GSK3B: variants seen among roughly 807,000 people sequenced by gnomAD.
The protein encoded by GSK3B is glycogen synthase kinase 3 beta, also known as glycogen synthase kinase-3 beta.
GSK3B carries 15 observed loss-of-function variants against 56.4 expected under a neutral mutation model. The ratio of observed to expected loss-of-function variants is 0.27; its 90% CI spans 0.18 to 0.41. The LOEUF is 0.41. GSK3B is among the 10% of genes least tolerant of loss of function. The pLI is 1.00. For synonymous variants in GSK3B, 181 were observed against 188.9 expected (o/e 0.96, Z 0.34); for missense variants, 300 against 513.4 (o/e 0.58, Z 4.02).
chr3:119,993,531 TA>T (rs1436719318), intron 2 of GSK3B, among the ~76,000 whole-genome samples: 1 of 152,066 alleles, frequency 6.6e-6, no homozygotes, highest in East Asian at 1.9e-4. Context: ...ATAAAAAACA[TA>T]AACAGTGAAC....
rs1456279674 is a variant in GSK3B at position 120,051,610 on chromosome 3, T to C, written c.88+41737A>G. The stretch of plus-strand genomic sequence containing the variant: ...GGCAAAACCCCATCTCTACGAAAAA[T>C]ACAAAAATTAGCCAGGTGTGGTGGT... On this transcript the variant is annotated intron_variant, in intron 1 of 10. Transcript: ENST00000264235. Among the ~76,000 whole-genome samples, 4 of 151,410 alleles carry C rather than the reference T, an allele frequency of 2.6e-5. No individual in the cohort carries two copies. In the East Asian group the frequency reaches 7.8e-4, roughly 30 times the overall value.
chr3:120,070,317 C>A (rs1160045069), intron 1 of GSK3B, among the ~76,000 whole-genome samples: 3 of 151,526 alleles, frequency 2.0e-5, no homozygotes, highest in Non-Finnish European at 2.9e-5. Flanking sequence ...ACAACCCAAC[C>A]TAAGCCTTAT....
At chr3:119,915,235 T>G (rs1204267702) in intron 5 of GSK3B, among the ~76,000 whole-genome samples, 1 of 152,072 alleles carries the variant, frequency 6.6e-6, no homozygotes, top group African/African-American at 2.4e-5. Context: ...AATAAAAGGT[T>G]AAATTATAGA....
intron 1 of GSK3B, among the ~76,000 whole-genome samples, chr3:120,092,352 GACTAAATCCACATTCTTCTA>G (rs1431834989): frequency 6.6e-6 from 1 of 152,094 alleles, no homozygotes; most frequent in Non-Finnish European, 1.5e-5. Flanking sequence ...AAATGGAAAG[GACTAAATCCACATTCTTCTA>G]ACTAAATCCA....
intron 9 of GSK3B, among the ~76,000 whole-genome samples, chr3:119,862,667 G>GTTTTTT (rs79778347): frequency 4.2e-4 from 46 of 110,386 alleles, no homozygotes; most frequent in Non-Finnish European, 5.9e-4. Flanking sequence ...ACTATTTCTT[G>GTTTTTT]TTTTTTTTTT....
At chr3:119,840,619 G>A (rs981699707) in intron 10 of GSK3B, among the ~76,000 whole-genome samples, 3 of 152,114 alleles carry the variant, frequency 2.0e-5, no homozygotes, top group South Asian at 2.1e-4. Flanking sequence ...ACAGGCAGCC[G>A]GAAGGCCAAG....
chr3:119,889,879 G>A (rs891228442), intron 7 of GSK3B, among the ~76,000 whole-genome samples: 2 of 152,046 alleles, frequency 1.3e-5, no homozygotes, highest in Non-Finnish European at 1.5e-5. Flanking sequence ...AAGAAAGATA[G>A]AGTGCCTATA....
At chr3:119,898,408 A>G (rs1190236548) in intron 7 of GSK3B, among the ~76,000 whole-genome samples, 3 of 152,184 alleles carry the variant, frequency 2.0e-5, no homozygotes, top group African/African-American at 7.2e-5. Context: ...ACTGACCATT[A>G]CAATGGTTGA....
intron 10 of GSK3B, among the ~76,000 whole-genome samples, chr3:119,830,807 C>T (rs186604696): frequency 4.5e-4 from 69 of 152,330 alleles, no homozygotes; most frequent in African/African-American, 1.7e-3. Flanking sequence ...TAATCTATCT[C>T]TCATTTCCTC....
At chr3:119,873,596 G>A (rs1344458913) in intron 8 of GSK3B, among the ~76,000 whole-genome samples, 3 of 152,020 alleles carry the variant, frequency 2.0e-5, no homozygotes, top group Non-Finnish European at 4.4e-5. Context: ...TCAAGTTGCT[G>A]TCCACTATCA....
At chr3:120,088,056 G>A (rs1007151946) in intron 1 of GSK3B, among the ~76,000 whole-genome samples, 4 of 152,002 alleles carry the variant, frequency 2.6e-5, no homozygotes, top group East Asian at 3.9e-4. Context: ...CCACGCCCCC[G>A]CTAATTTTTG....
At position 119,824,460 on chromosome 3, in the gene GSK3B, G is replaced by A. The variant is rs959948673; in HGVS notation, c.*2328C>T. 9.3e-6 allele frequency: 2 copies of A among 215,412 alleles called. No homozygotes were observed. Among genetic ancestry groups the A allele is most frequent in the African/African-American group, 4.5e-5 (2 of 44,364 alleles). The allele number at this position is 215,412 out of a possible 1,614,324, so 13.3% of individuals were successfully genotyped here. Reference sequence around the variant, plus strand: ...TCCTAAAATAAGCACTGATTTTTATGGACTCTGGGGAGTATACCACGTCCA... The same window carrying A: ...TCCTAAAATAAGCACTGATTTTTATAGACTCTGGGGAGTATACCACGTCCA... On this transcript the variant is annotated 3_prime_UTR_variant, in exon 11 of 11. Transcript: ENST00000264235.
intron 1 of GSK3B, among the ~76,000 whole-genome samples, chr3:120,079,105 C>A (rs2058392336): frequency 6.6e-6 from 1 of 151,076 alleles, no homozygotes; most frequent in African/African-American, 2.4e-5. Context: ...CCATGCCCAG[C>A]TAATTTTTGT....
At chr3:120,061,070 A>T (rs1396370526) in intron 1 of GSK3B, among the ~76,000 whole-genome samples, 2 of 152,226 alleles carry the variant, frequency 1.3e-5, no homozygotes, top group Non-Finnish European at 2.9e-5. Context: ...AAATTGGCAG[A>T]AATCAAAGGC....
intron 1 of GSK3B, among the ~76,000 whole-genome samples, chr3:120,039,325 C>G (rs965011281): frequency 6.6e-6 from 1 of 152,188 alleles, no homozygotes; most frequent in South Asian, 2.1e-4. Context: ...CACACAATCC[C>G]AGCAATCACA....
chr3:119,924,396 T>A (rs1360117929), intron 3 of GSK3B, among the ~76,000 whole-genome samples: 1 of 152,230 alleles, frequency 6.6e-6, no homozygotes, highest in African/African-American at 2.4e-5. Context: ...CAATTTGAAA[T>A]AATCTTACCT....
intron 1 of GSK3B, among the ~76,000 whole-genome samples, chr3:120,047,650 T>C (rs2058114703): frequency 6.6e-6 from 1 of 152,254 alleles, no homozygotes; most frequent in African/African-American, 2.4e-5. Context: ...GTGTAACATT[T>C]ACTATATGTC....
chr3:120,038,682 A>C (rs2058041469), intron 1 of GSK3B, among the ~76,000 whole-genome samples: 1 of 152,234 alleles, frequency 6.6e-6, no homozygotes, highest in Admixed American at 6.5e-5. Context: ...ACAAAAATTA[A>C]AAAATTAGCT....
intron 1 of GSK3B, among the ~76,000 whole-genome samples, chr3:120,062,485 C>T (rs1473787918): frequency 6.6e-6 from 1 of 152,130 alleles, no homozygotes; most frequent in East Asian, 1.9e-4. Context: ...ATTATGTAAT[C>T]CATAGTATCA....
Sources: allele counts gnomAD v4.1 joint callset (sites outside exome capture counted in the v4.1 genomes callset), GRCh38; gene constraint gnomAD v4.1.1; transcripts MANE v1.5; gene names NCBI Gene and HGNC (gene_info 2026-07-23, HGNC 2026-07-21).